PTPRD: variants seen among roughly 807,000 people sequenced by gnomAD.
PTPRD encodes the protein protein tyrosine phosphatase receptor type D.
A neutral mutation model predicts 214.5 loss-of-function variants in PTPRD; 34 were observed. The observed-to-expected ratio is 0.16, with a 90% confidence interval of 0.12 to 0.21. The LOEUF is 0.21. PTPRD is among the 10% of genes least tolerant of loss of function. The probability of loss-of-function intolerance (pLI) is 1.00; values close to 1 mark genes in which losing one functional copy is unlikely to be tolerated. For synonymous variants in PTPRD, 1,128 were observed against 845.7 expected (o/e 1.33, Z -5.79); for missense variants, 2,545 against 2,398.7 (o/e 1.06, Z -1.27).
chr9:9,885,632 G>A (rs1402117684), intron 5 of PTPRD, among the ~76,000 whole-genome samples: 6 of 152,020 alleles, frequency 3.9e-5, no homozygotes, highest in African/African-American at 1.5e-4. Flanking sequence ...GGTAGTTTTA[G>A]AGAATGAAAT....
chr9:10,549,639 T>A (rs779923635), intron 2 of PTPRD, among the ~76,000 whole-genome samples: 10 of 152,110 alleles, frequency 6.6e-5, no homozygotes, highest in Non-Finnish European at 1.5e-4. Flanking sequence ...TCAGTGTATA[T>A]CCACTCCAGA....
intron 12 of PTPRD, among the ~76,000 whole-genome samples, chr9:8,665,370 C>T (rs1339619527): frequency 6.6e-6 from 1 of 152,146 alleles, no homozygotes; most frequent in Non-Finnish European, 1.5e-5. Context: ...CCACTTGAAA[C>T]TGTATTATCT....
intron 5 of PTPRD, among the ~76,000 whole-genome samples, chr9:9,902,620 C>T (rs1566142218): frequency 6.6e-6 from 1 of 152,122 alleles, no homozygotes; most frequent in South Asian, 2.1e-4. Flanking sequence ...ACCTGACTAG[C>T]ACCATGTATC....
intron 8 of PTPRD, among the ~76,000 whole-genome samples, chr9:9,449,005 G>A (rs74890299): frequency 7.9e-4 from 120 of 152,148 alleles, no homozygotes; most frequent in African/African-American, 2.7e-3. Flanking sequence ...TTTCAGCTTC[G>A]CAAAGCATGT....
chr9:10,295,795 G>A (rs187678852), intron 3 of PTPRD, among the ~76,000 whole-genome samples: 2 of 152,024 alleles, frequency 1.3e-5, no homozygotes, highest in Non-Finnish European at 2.9e-5. Flanking sequence ...AGCCTTGAAA[G>A]CAGAGAACTT....
At chr9:8,590,979 T>C (rs1302123811) in intron 14 of PTPRD, among the ~76,000 whole-genome samples, 2 of 152,158 alleles carry the variant, frequency 1.3e-5, no homozygotes, top group Non-Finnish European at 2.9e-5. Context: ...GGGGAGAATC[T>C]TCCTTCTTGC....
chr9:10,408,393 G>C (rs1245123431), intron 2 of PTPRD, among the ~76,000 whole-genome samples: 1 of 151,502 alleles, frequency 6.6e-6, no homozygotes, highest in African/African-American at 2.4e-5. Context: ...GCAAAGAGCT[G>C]ACGGTCTGTA....
chr9:9,399,597 T>C (rs1275498320), intron 8 of PTPRD, among the ~76,000 whole-genome samples: 1 of 152,144 alleles, frequency 6.6e-6, no homozygotes, highest in South Asian at 2.1e-4. Context: ...GCTCTCATAA[T>C]TCCCACATAT....
At chr9:8,560,022 C>G (rs2085531613) in intron 14 of PTPRD, among the ~76,000 whole-genome samples, 1 of 152,116 alleles carries the variant, frequency 6.6e-6, no homozygotes, top group African/African-American at 2.4e-5. Context: ...TTAGGAAAGT[C>G]TATATGCAGT....
At chr9:9,231,380 G>T (rs1045662891) in intron 9 of PTPRD, among the ~76,000 whole-genome samples, 2 of 152,118 alleles carry the variant, frequency 1.3e-5, no homozygotes, top group Non-Finnish European at 2.9e-5. Context: ...ATTATTGACT[G>T]TGTTGTAGAT....
chr9:9,255,288 T>C (rs760997327), intron 9 of PTPRD, among the ~76,000 whole-genome samples: 8 of 152,078 alleles, frequency 5.3e-5, no homozygotes, highest in Non-Finnish European at 7.4e-5. Flanking sequence ...TTTTGACCTA[T>C]CTCAAGGACT....
intron 5 of PTPRD, among the ~76,000 whole-genome samples, chr9:9,894,004 G>C (rs145527820): frequency 1.3e-3 from 194 of 152,044 alleles, no homozygotes; most frequent in African/African-American, 4.4e-3. Flanking sequence ...GGTAGAGAAG[G>C]GGTTTCACAA....
chr9:10,378,774 G>C (rs2097772077), intron 2 of PTPRD, among the ~76,000 whole-genome samples: 1 of 151,956 alleles, frequency 6.6e-6, no homozygotes, highest in South Asian at 2.1e-4. Context: ...TGTACCTTTT[G>C]CATAGAATAG....
At chr9:8,662,893 T>C (rs1374174358) in intron 12 of PTPRD, among the ~76,000 whole-genome samples, 1 of 152,074 alleles carries the variant, frequency 6.6e-6, no homozygotes, top group Non-Finnish European at 1.5e-5. Context: ...TCTTTCTACA[T>C]ATGTATATAA....
chr9:10,250,625 T>C (rs1334408015), intron 3 of PTPRD, among the ~76,000 whole-genome samples: 1 of 152,030 alleles, frequency 6.6e-6, no homozygotes, highest in Non-Finnish European at 1.5e-5. Flanking sequence ...AATATTTTAG[T>C]TACACAGGAG....
At chr9:8,495,338 G>C (rs1207990297) in intron 26 of PTPRD, among the ~76,000 whole-genome samples, 1 of 152,076 alleles carries the variant, frequency 6.6e-6, no homozygotes, top group African/African-American at 2.4e-5. Flanking sequence ...GCAAGTTTTT[G>C]CCAATTCTTC....
At chr9:9,606,553 T>C (rs143933833) in intron 7 of PTPRD, among the ~76,000 whole-genome samples, 83 of 152,198 alleles carry the variant, frequency 5.5e-4, no homozygotes, top group African/African-American at 1.9e-3. Flanking sequence ...TATCTGGCAA[T>C]CTTGGCAGAA....
chr9:9,990,220 G>T (rs1169723720), intron 4 of PTPRD, among the ~76,000 whole-genome samples: 1 of 152,166 alleles, frequency 6.6e-6, no homozygotes, highest in African/African-American at 2.4e-5. Flanking sequence ...GTTGGCCAAG[G>T]TCCTCAGGTT....
chr9:9,837,324 T>C (rs2057053683), intron 5 of PTPRD, among the ~76,000 whole-genome samples: 1 of 152,136 alleles, frequency 6.6e-6, no homozygotes, highest in Non-Finnish European at 1.5e-5. Flanking sequence ...GAGAGATAGT[T>C]ACAATATCTA....
Sources: allele counts gnomAD v4.1 joint callset (sites outside exome capture counted in the v4.1 genomes callset), GRCh38; gene constraint gnomAD v4.1.1; transcripts MANE v1.5; gene names NCBI Gene and HGNC (gene_info 2026-07-23, HGNC 2026-07-21).